Variants in NPIPB11 observed in about 807,000 individuals in gnomAD.
NPIPB11 encodes nuclear pore complex-interacting protein family member B11.
In NPIPB11, 17 loss-of-function variants were observed where a neutral mutation model predicts 32.8. That is an observed-to-expected ratio of 0.52 (90% CI 0.35 to 0.78). The LOEUF (loss-of-function observed/expected upper bound fraction) is 0.78. NPIPB11 is among the 30% of genes least tolerant of loss of function. NPIPB11 has a pLI of 0.01. For missense variants in NPIPB11, 537 were observed against 1,000.4 expected, an observed-to-expected ratio of 0.54 and a Z score of 6.25; for synonymous variants, 209 against 398.4, an observed-to-expected ratio of 0.52 and a Z score of 5.66.
At chr16:29,402,906 AGG>A (rs892830913) in intron 2 of NPIPB11, among the ~76,000 whole-genome samples, 1 of 137,420 alleles carries the variant, frequency 7.3e-6, no homozygotes, top group Non-Finnish European at 1.5e-5. Context: ...AAACAAATGA[AGG>A]AGAATAAAAA....
intron 3 of NPIPB11, among the ~76,000 whole-genome samples, chr16:29,392,107 C>G (rs1025484263): frequency 6.6e-6 from 1 of 151,634 alleles, no homozygotes; most frequent in Admixed American, 6.6e-5. Context: ...ACTAGGATTT[C>G]GAGAGAAGCA....
At chr16:29,382,283 C>T (rs1244102324) in exon 8 of NPIPB11, 2 of 1,602,112 alleles carry the variant, frequency 1.2e-6, no homozygotes, top group Non-Finnish European at 1.7e-6. Flanking sequence ...CCCACAGACG[C>T]TCCCCGCAGA....
upstream of NPIPB11, among the ~76,000 whole-genome samples, chr16:29,405,888 C>T: frequency 6.6e-6 from 1 of 152,260 alleles, no homozygotes; most frequent in African/African-American, 2.4e-5. Flanking sequence ...CACACTCTTC[C>T]TGTGTCGATT....
chr16:29,391,467 TG>T (rs1963721663), intron 3 of NPIPB11, among the ~76,000 whole-genome samples: 1 of 146,590 alleles, frequency 6.8e-6, no homozygotes, highest in African/African-American at 2.5e-5. Flanking sequence ...TGATCTGCAC[TG>T]GAGCATCTTC....
At chr16:29,394,804 GGTGT>G (rs1963813155) in intron 2 of NPIPB11, among the ~76,000 whole-genome samples, 1 of 151,512 alleles carries the variant, frequency 6.6e-6, no homozygotes, top group African/African-American at 2.4e-5. Context: ...GGAGTGCAGT[GGTGT>G]GCTCTCGGCT....
In NPIPB11 at chr16:29,383,757, G is replaced by A; in HGVS notation, c.1175C>T (p.Pro392Leu). The stretch of plus-strand genomic sequence containing the variant: ...AAGGGGAGTGAGCTGACGCTCAGAA[G>A]GTGTCTTGAGATTATCATCCGCTGA... Residue 392 changes from proline (P) to leucine (L), a missense_variant, in exon 8 of 8, where the codon CCT becomes CTT. By Grantham distance (98) the Pro-to-Leu change is moderately conservative. Coordinates refer to ENST00000524087, the Ensembl canonical transcript of NPIPB11. 4 of 840,686 alleles carry A rather than the reference G, an allele frequency of 4.8e-6. 1 individual carries two copies. The highest frequency in any genetic ancestry group is 6.4e-6 in the Non-Finnish European group (4 of 625,156). 52.1% of individuals were successfully genotyped at this position (840,686 alleles called of 1,614,324 possible). A position where few individuals can be genotyped will look rare whatever the true frequency, so the allele number is the denominator to read the frequency against.
At chr16:29,401,754 C>G (rs1332532387) in intron 2 of NPIPB11, among the ~76,000 whole-genome samples, 1 of 152,076 alleles carries the variant, frequency 6.6e-6, no homozygotes, top group Non-Finnish European at 1.5e-5. Context: ...ACTGGCCACC[C>G]TCTCCTTCAT....
intron 2 of NPIPB11, among the ~76,000 whole-genome samples, chr16:29,401,783 G>A: frequency 6.6e-6 from 1 of 152,100 alleles, no homozygotes; most frequent in Non-Finnish European, 1.5e-5. Flanking sequence ...GCAGCTGACA[G>A]CTCCCATATG....
upstream of NPIPB11, among the ~76,000 whole-genome samples, chr16:29,405,544 GTAGT>G (rs1430373756): frequency 3.3e-5 from 5 of 152,158 alleles, no homozygotes; most frequent in Non-Finnish European, 4.4e-5. Context: ...AGCTTGCAAG[GTAGT>G]TAGTTGTTTT....
At chr16:29,382,273 C>T (rs1298525280) in exon 8 of NPIPB11, 3 of 1,603,822 alleles carry the variant, frequency 1.9e-6, no homozygotes, top group Non-Finnish European at 1.7e-6. Context: ...GGAAGCGGAA[C>T]CCACAGACGC....
chr16:29,397,768 G>A (rs1347761443), intron 2 of NPIPB11: 2 of 197,506 alleles, frequency 1.0e-5, no homozygotes, highest in South Asian at 3.6e-5. Flanking sequence ...GGGAGGGGGA[G>A]GGGGAAGGGA....
chr16:29,395,009 G>C (rs889080365), intron 2 of NPIPB11, among the ~76,000 whole-genome samples: 1 of 144,800 alleles, frequency 6.9e-6, no homozygotes, highest in African/African-American at 2.6e-5. Context: ...GCCTCCCAAA[G>C]TGCTGGGATT....
chr16:29,400,960 G>C (rs563667921), intron 2 of NPIPB11, among the ~76,000 whole-genome samples: 1 of 152,076 alleles, frequency 6.6e-6, no homozygotes, highest in East Asian at 1.9e-4. Flanking sequence ...GCTCCGGCAG[G>C]GTACAGGCTC....
intron 3 of NPIPB11, among the ~76,000 whole-genome samples, chr16:29,393,372 T>C (rs913798257): frequency 2.6e-5 from 4 of 151,354 alleles, no homozygotes; most frequent in Non-Finnish European, 5.9e-5. Context: ...GCCTCTTTCA[T>C]TTCCCCTAAA....
intron 3 of NPIPB11, 114 bp from the exon 4 acceptor site, chr16:29,390,462 G>C: frequency 3.3e-6 from 5 of 1,525,240 alleles, no homozygotes; most frequent in Non-Finnish European, 4.5e-6. Flanking sequence ...AGACCAGCCT[G>C]GCCAAGATGG....
intron 2 of NPIPB11, among the ~76,000 whole-genome samples, chr16:29,394,815 G>A (rs1471951514): frequency 3.3e-5 from 5 of 150,660 alleles, no homozygotes; most frequent in South Asian, 2.1e-4. Context: ...GTGTGCTCTC[G>A]GCTCACTGCA....
At chr16:29,390,846 C>T (rs1963701734) in intron 3 of NPIPB11, among the ~76,000 whole-genome samples, 1 of 151,438 alleles carries the variant, frequency 6.6e-6, no homozygotes, top group South Asian at 2.1e-4. Context: ...GCCTGTAATC[C>T]CAGCTAGTCG....
rs762980727 is a variant in NPIPB11, at chr16:29,402,698, GTC to G, written c.120+983_120+984del. Among the ~76,000 whole-genome samples the G allele has an allele frequency of 5.5e-3, 649 of 118,910 alleles. 5 individuals are homozygous for G. The highest frequency in any genetic ancestry group is 0.033 in the East Asian group (133 of 3,986). The allele number at this position is 118,910 out of a possible 152,430, so 78.0% of individuals were successfully genotyped here. A position where few individuals can be genotyped will look rare whatever the true frequency, so the allele number is the denominator to read the frequency against. On this transcript the variant is annotated intron_variant, in intron 2 of 7. Transcript: ENST00000524087. ...AGCCTGGGCGACAGAGTGAAACTCT[GTC>G]TCTCTCTCTCTCTCTCTCTCTCTCT...
chr16:29,401,088 TG>T (rs1963979074), intron 2 of NPIPB11, among the ~76,000 whole-genome samples: 1 of 152,016 alleles, frequency 6.6e-6, no homozygotes, highest in South Asian at 2.1e-4. Context: ...CACGATGTTT[TG>T]GGAGAGTGTT....
Sources: allele counts gnomAD v4.1 joint callset (sites outside exome capture counted in the v4.1 genomes callset), GRCh38; gene constraint gnomAD v4.1.1; transcripts MANE v1.5; gene names NCBI Gene and HGNC (gene_info 2026-07-23, HGNC 2026-07-21).